The following PCDHGB1 variants were observed in gnomAD, a reference collection of about 807,000 sequenced individuals.
The protein encoded by PCDHGB1 is protocadherin gamma-B1.
Under a neutral mutation model 56.6 loss-of-function variants are expected in PCDHGB1, and 34 were observed. The ratio of observed to expected loss-of-function variants is 0.60; its 90% CI spans 0.46 to 0.80. The LOEUF (loss-of-function observed/expected upper bound fraction) is 0.80. PCDHGB1 is among the 30% of genes least tolerant of loss of function. The pLI is 0.00. For missense variants in PCDHGB1, 1,278 were observed against 1,204.6 expected, an observed-to-expected ratio of 1.06 and a Z score of -0.90; for synonymous variants, 561 against 505.9, an observed-to-expected ratio of 1.11 and a Z score of -1.46.
At chr5:141,361,818 G>A (rs745833230) in intron 1 of PCDHGB1, 8 of 1,613,098 alleles carry the variant, frequency 5.0e-6, no homozygotes, top group Non-Finnish European at 6.8e-6. Context: ...ATGCGCCACG[G>A]GTGCTGTACC....
Position 141,432,477 on chromosome 5 carries a change from C to G in PCDHGB1, c.2410-62330C>G. On this transcript the variant is annotated intron_variant, in intron 1 of 3. Coordinates refer to ENST00000523390, the MANE Select transcript of PCDHGB1 (RefSeq NM_018922.3). This position sits in a 1 kb window ranked among gnomAD's most constrained non-coding sequence, Gnocchi z 6.0. ...CCCGCCCTCCCCACGGACGGTTCCA[C>G]TGGCGTGGAGCTGGCTCCCCGCTCC... 3 of 1,614,212 alleles carry G rather than the reference C, an allele frequency of 1.9e-6. No homozygotes were observed. Among genetic ancestry groups the G allele is most frequent in the Non-Finnish European group, 1.7e-6 (2 of 1,180,044 alleles).
chr5:141,376,374 G>GT (rs778102910), intron 1 of PCDHGB1: 18 of 1,614,072 alleles, frequency 1.1e-5, no homozygotes, highest in East Asian at 1.1e-4. Context: ...GCAGACTCGC[G>GT]TAAGAGTCAT....
At chr5:141,419,796 T>A in intron 1 of PCDHGB1, 1 of 1,614,026 alleles carries the variant, frequency 6.2e-7, no homozygotes. Flanking sequence ...CTAGTCGCTG[T>A]AAGAGATGGA....
intron 1 of PCDHGB1, among the ~76,000 whole-genome samples, chr5:141,449,762 G>T (rs909809198): frequency 6.6e-6 from 1 of 151,458 alleles, no homozygotes; most frequent in Non-Finnish European, 1.5e-5. Context: ...ACATTTGAGA[G>T]TAAGTTGTAG....
At chr5:141,404,153 T>G in intron 1 of PCDHGB1, 1 of 1,613,010 alleles carries the variant, frequency 6.2e-7, no homozygotes, top group Non-Finnish European at 8.5e-7. Context: ...AGAAGAAGAT[T>G]ATTACAGATT....
At position 141,409,172 on chromosome 5, in the gene PCDHGB1, G is replaced by T. The variant is rs574905228; in HGVS notation, c.2409+56503G>T. ...CACCATGGAAGTGGAAGCGAAGGAC[G>T]GAGGTGGTCTCTCTACCCAGTGTAA... On this transcript the variant is annotated intron_variant, in intron 1 of 3. Coordinates refer to ENST00000523390, the MANE Select transcript of PCDHGB1 (RefSeq NM_018922.3). The T allele has an allele frequency of 1.4e-5, 22 of 1,614,006 alleles. No homozygotes were observed. In the South Asian group the frequency reaches 2.4e-4, roughly 18 times the overall value.
At chr5:141,437,939 T>C (rs1055613655) in intron 1 of PCDHGB1, among the ~76,000 whole-genome samples, 3 of 152,152 alleles carry the variant, frequency 2.0e-5, no homozygotes, top group African/African-American at 7.2e-5. Flanking sequence ...GGTTTCACCA[T>C]ATTGGCCAGA....
chr5:141,393,574 A>T (rs2092798550), intron 1 of PCDHGB1: 2 of 1,613,798 alleles, frequency 1.2e-6, no homozygotes, highest in Non-Finnish European at 1.7e-6. Context: ...GTCCTTGAGA[A>T]CATGCCCCCA....
intron 3 of PCDHGB1, 119 bp downstream of exon 3, chr5:141,505,600 G>T: frequency 1.3e-6 from 2 of 1,554,224 alleles, no homozygotes; most frequent in Middle Eastern, 3.4e-4. Context: ...AGATCTTTCG[G>T]CAGGTCTGAA....
At chr5:141,464,746 T>G (rs1317670068) in intron 1 of PCDHGB1, among the ~76,000 whole-genome samples, 1 of 152,220 alleles carries the variant, frequency 6.6e-6, no homozygotes, top group Non-Finnish European at 1.5e-5. Context: ...TATATCTTTT[T>G]GTTTTTTTAG....
chr5:141,418,597 G>T, intron 1 of PCDHGB1: 7 of 1,614,052 alleles, frequency 4.3e-6, no homozygotes, highest in South Asian at 1.1e-5. Flanking sequence ...GCCAGGACGT[G>T]TACAGGGTTA....
At position 141,505,417 on chromosome 5, in the gene PCDHGB1, C is replaced by T; in HGVS notation, c.2493C>T (p.Gly831=). The change falls in exon 3 of 4, where the codon GGC becomes GGT. Residue 831 remains glycine, a synonymous_variant. Coordinates refer to ENST00000523390, the MANE Select transcript of PCDHGB1 (RefSeq NM_018922.3). ...TSGSQNGDDT[G]TWPNNQFDTE... is the part of the protein sequence containing the mutation. ...GCTCCCAAAATGGCGATGACACCGG[C>T]ACCTGGCCCAACAACCAGTTTGACA... 1 of 1,614,212 alleles carries T rather than the reference C, an allele frequency of 6.2e-7. No individual in the cohort carries two copies. Among genetic ancestry groups the T allele is most frequent in the Non-Finnish European group, 8.5e-7 (1 of 1,180,024 alleles).
chr5:141,502,866 C>CTTTT (rs549047197), intron 2 of PCDHGB1, among the ~76,000 whole-genome samples: 3 of 128,028 alleles, frequency 2.3e-5, no homozygotes, highest in African/African-American at 6.2e-5. Flanking sequence ...GACTCTCTGT[C>CTTTT]TTTTTTTTTT....
chr5:141,364,302 C>A (rs1763258341), intron 1 of PCDHGB1: 1 of 1,521,598 alleles, frequency 6.6e-7, no homozygotes, highest in African/African-American at 1.4e-5. Context: ...TGAACCAGAA[C>A]TAAGAGAAAA....
In PCDHGB1 at chr5:141,421,591, G is replaced by A. The variant is rs1273484124; in HGVS notation, c.2409+68922G>A. The A allele has an allele frequency of 1.9e-6, 3 of 1,613,756 alleles. No homozygotes were observed. In the Admixed American group the frequency reaches 5.0e-5, roughly 27 times the overall value. ...CACCTTGAAGATTTACGGAGTGGAG[G>A]TGGAAATAATAGATATTAATGATAA... is the stretch of plus-strand genomic sequence containing the variant. On this transcript the variant is annotated intron_variant, in intron 1 of 3. Transcript: ENST00000523390.
intron 2 of PCDHGB1, among the ~76,000 whole-genome samples, chr5:141,495,270 G>C (rs1428903664): frequency 1.3e-5 from 2 of 152,178 alleles, no homozygotes; most frequent in Non-Finnish European, 2.9e-5. Context: ...GCATTTGACC[G>C]GAGGAGGCGG....
chr5:141,355,262 G>A lies in PCDHGB1; in HGVS notation c.2409+2593G>A, dbSNP rs374875511. ...CTGCTCCAGATCTGCCTTCTCCTGG[G>A]GGTTCTGGTGGAAATCAGGGCCGAA... On this transcript the variant is annotated intron_variant, in intron 1 of 3. Transcript: ENST00000523390. The A allele has an allele frequency of 3.7e-6, 6 of 1,613,470 alleles. No homozygotes were observed. The highest frequency in any genetic ancestry group is 5.1e-6 in the Non-Finnish European group (6 of 1,179,900).
At chr5:141,464,189 C>T (rs1215955823) in intron 1 of PCDHGB1, among the ~76,000 whole-genome samples, 1 of 150,620 alleles carries the variant, frequency 6.6e-6, no homozygotes, top group Non-Finnish European at 1.5e-5. Context: ...TGCTTGATTT[C>T]AGGAGGCGGA....
intron 1 of PCDHGB1, chr5:141,393,176 A>G: frequency 1.9e-6 from 3 of 1,613,294 alleles, no homozygotes; most frequent in East Asian, 2.2e-5. Context: ...GGGTAGAAAT[A>G]GAAATAATTG....
Sources: gnomAD v4.1 joint callset for allele counts (sites outside exome capture counted in the v4.1 genomes callset) on GRCh38, gnomAD v4.1.1 for gene constraint, Gnocchi (gnomAD v3.1) non-coding constraint, MANE v1.5 for transcripts, NCBI Gene and HGNC (gene_info 2026-07-23, HGNC 2026-07-21) for gene names.